FBXL17: variants seen among roughly 807,000 people sequenced by gnomAD.
The protein encoded by FBXL17 is F-box/LRR-repeat protein 17.
Under a neutral mutation model 66.2 loss-of-function variants are expected in FBXL17, and 22 were observed. That is an observed-to-expected ratio of 0.33 (90% CI 0.24 to 0.47). FBXL17 has a LOEUF of 0.47. Ranked by LOEUF, FBXL17 falls within the 20% of genes least tolerant of loss-of-function variation. The pLI is 1.00. For missense variants in FBXL17, 878 were observed against 948.2 expected (o/e 0.93, Z 0.97); for synonymous variants, 474 against 400.5 (o/e 1.18, Z -2.19).
chr5:107,913,032 T>C (rs1291994865), intron 7 of FBXL17, among the ~76,000 whole-genome samples: 2 of 152,160 alleles, frequency 1.3e-5, no homozygotes, highest in Admixed American at 6.6e-5. Context: ...CATAAGATTA[T>C]AAGTGCTTTA....
At chr5:108,368,915 T>TA (rs373667446) in intron 1 of FBXL17, among the ~76,000 whole-genome samples, 60,305 of 142,852 alleles carry the variant, frequency 0.42, 14,258 homozygotes, top group African/African-American at 0.64. Context: ...TACAAGGATT[T>TA]AAAAAAAAAA....
At chr5:108,119,821 C>T (rs140320190) in intron 6 of FBXL17, among the ~76,000 whole-genome samples, 4 of 152,196 alleles carry the variant, frequency 2.6e-5, no homozygotes, top group East Asian at 3.9e-4. Context: ...TTCTGTAGAA[C>T]AAAATTTAGT....
At chr5:108,012,591 C>A (rs992229493) in intron 7 of FBXL17, among the ~76,000 whole-genome samples, 4 of 152,176 alleles carry the variant, frequency 2.6e-5, no homozygotes, top group Non-Finnish European at 5.9e-5. Context: ...AAATACAACA[C>A]TTCTCTGACC....
intron 5 of FBXL17, among the ~76,000 whole-genome samples, chr5:108,206,605 A>T (rs972455949): frequency 1.1e-4 from 16 of 151,850 alleles, no homozygotes; most frequent in Non-Finnish European, 1.9e-4. Flanking sequence ...CATTTCTTAG[A>T]ATTTCACAGA....
intron 1 of FBXL17, 76 bp downstream of exon 1, chr5:108,380,623 G>C (rs1026325626): frequency 1.0e-6 from 1 of 954,976 alleles, no homozygotes; most frequent in African/African-American, 1.7e-5. Flanking sequence ...CTTAGGGGGA[G>C]GAGAGAGAAA....
chr5:107,958,511 T>C (rs139520747), intron 7 of FBXL17, among the ~76,000 whole-genome samples: 188 of 152,350 alleles, frequency 1.2e-3, no homozygotes, highest in African/African-American at 4.3e-3. Context: ...TTTCCTTCTA[T>C]AGTTTGCCAG....
chr5:108,118,567 C>T (rs944627121), intron 6 of FBXL17, among the ~76,000 whole-genome samples: 29 of 152,158 alleles, frequency 1.9e-4, no homozygotes, highest in African/African-American at 7.0e-4. Flanking sequence ...ATTTGTTTCC[C>T]TGGACCTTTG....
chr5:107,885,534 C>T (rs913035685), intron 7 of FBXL17, among the ~76,000 whole-genome samples: 1 of 152,040 alleles, frequency 6.6e-6, no homozygotes, highest in Non-Finnish European at 1.5e-5. Context: ...GGAGAGTGCT[C>T]GAATAACTAT....
intron 4 of FBXL17, among the ~76,000 whole-genome samples, chr5:108,274,468 T>A (rs1334926705): frequency 1.3e-5 from 2 of 152,226 alleles, no homozygotes; most frequent in Non-Finnish European, 2.9e-5. Context: ...TTCCTGAACG[T>A]TGCTGTTATC....
At chr5:107,954,330 C>T (rs1049601898) in intron 7 of FBXL17, among the ~76,000 whole-genome samples, 1 of 152,186 alleles carries the variant, frequency 6.6e-6, no homozygotes, top group Non-Finnish European at 1.5e-5. Flanking sequence ...CTGACATTTA[C>T]CTATTCAAAT....
chr5:107,945,178 A>G (rs1751241334), intron 7 of FBXL17, among the ~76,000 whole-genome samples: 1 of 152,166 alleles, frequency 6.6e-6, no homozygotes, highest in Admixed American at 6.5e-5. Context: ...CCTCATCAGA[A>G]ATCAAGTAAA....
chr5:108,224,521 A>C (rs1755012127), intron 4 of FBXL17, among the ~76,000 whole-genome samples: 1 of 140,038 alleles, frequency 7.1e-6, no homozygotes, highest in Non-Finnish European at 1.5e-5. Flanking sequence ...ATATATATGT[A>C]TATGTATACA....
At chr5:108,234,712 T>C (rs941265212) in intron 4 of FBXL17, among the ~76,000 whole-genome samples, 6 of 152,196 alleles carry the variant, frequency 3.9e-5, no homozygotes, top group Admixed American at 3.9e-4. Context: ...GATAGTCTTG[T>C]ATGTCCTGAG....
chr5:108,361,080 A>G (rs1748311216), intron 3 of FBXL17, among the ~76,000 whole-genome samples: 1 of 152,142 alleles, frequency 6.6e-6, no homozygotes, highest in Non-Finnish European at 1.5e-5. Context: ...TAGTAAATCC[A>G]ATGTCCAGGC....
At chr5:107,952,530 T>G (rs1179248400) in intron 7 of FBXL17, among the ~76,000 whole-genome samples, 1 of 152,230 alleles carries the variant, frequency 6.6e-6, no homozygotes, top group East Asian at 1.9e-4. Flanking sequence ...GTGGAACTGT[T>G]TGAATTACAG....
At chr5:108,009,296 T>TATATATATAC (rs1554056620) in intron 7 of FBXL17, among the ~76,000 whole-genome samples, 4 of 32,428 alleles carry the variant, frequency 1.2e-4, no homozygotes, top group African/African-American at 3.8e-4. Context: ...TATATATATA[T>TATATATATAC]ATATACATAT....
At chr5:108,046,502 TTC>T (rs1747259174) in intron 6 of FBXL17, among the ~76,000 whole-genome samples, 3 of 152,180 alleles carry the variant, frequency 2.0e-5, no homozygotes, top group African/African-American at 7.2e-5. Flanking sequence ...TCTATTTGTT[TTC>T]TCTGTTTTGC....
rs192940107 is a variant in FBXL17, at chr5:108,089,390, T to A, written c.1746-68389A>T. Among the ~76,000 whole-genome samples, 8 of 152,278 alleles carry A rather than the reference T, an allele frequency of 5.3e-5. No individual in the cohort carries two copies. In the South Asian group the frequency reaches 1.2e-3, roughly 24 times the overall value. On this transcript the variant is annotated intron_variant, in intron 6 of 8. Coordinates refer to ENST00000542267, the MANE Select transcript of FBXL17 (RefSeq NM_001163315.3). The stretch of plus-strand genomic sequence containing the variant: ...CCTATACCTGGCCACAGGAGCTGAT[T>A]TTCACTCTTAACTCCTACCATGGAC...
intron 3 of FBXL17, among the ~76,000 whole-genome samples, chr5:108,361,736 T>C (rs1374276608): frequency 1.3e-5 from 2 of 152,184 alleles, no homozygotes; most frequent in East Asian, 3.8e-4. Context: ...CAATGCCCAC[T>C]AATTTTCCTC....
Sources: allele counts gnomAD v4.1 joint callset (sites outside exome capture counted in the v4.1 genomes callset), GRCh38; gene constraint gnomAD v4.1.1; transcripts MANE v1.5; gene names NCBI Gene and HGNC (gene_info 2026-07-23, HGNC 2026-07-21).